Variants in RYR2 observed in about 807,000 individuals in gnomAD.
RYR2 encodes the protein ryanodine receptor 2.
In RYR2, 227 loss-of-function variants were observed where a neutral mutation model predicts 601.1. That is an observed-to-expected ratio of 0.38 (90% CI 0.34 to 0.42). The LOEUF (loss-of-function observed/expected upper bound fraction) is 0.42, where lower values mean the gene tolerates loss of function less well. Among genes scored for constraint, RYR2 ranks in the 10% least tolerant of loss-of-function variants. RYR2 has a pLI of 1.00. For synonymous variants in RYR2, 2,223 were observed against 2,175.1 expected (o/e 1.02, Z -0.61); for missense variants, 4,646 against 6,156.5 (o/e 0.75, Z 8.21).
At chr1:237,547,437 T>G (rs1669945313) in intron 25 of RYR2, among the ~76,000 whole-genome samples, 1 of 152,228 alleles carries the variant, frequency 6.6e-6, no homozygotes, top group Non-Finnish European at 1.5e-5. Context: ...TAAATGAAAT[T>G]AATTATTTCA....
intron 1 of RYR2, among the ~76,000 whole-genome samples, chr1:237,228,107 C>G (rs1262798405): frequency 6.6e-6 from 1 of 152,182 alleles, no homozygotes; most frequent in East Asian, 1.9e-4. Context: ...AATTTGTAGT[C>G]TTCTATCCCT....
chr1:237,318,213 A>G (rs1033543359), intron 2 of RYR2, among the ~76,000 whole-genome samples: 4 of 152,124 alleles, frequency 2.6e-5, no homozygotes, highest in African/African-American at 9.6e-5. Flanking sequence ...ATTTAATTCC[A>G]GTAAAAGATA....
At chr1:237,262,255 T>G (rs12042369) in intron 1 of RYR2, among the ~76,000 whole-genome samples, 2 of 135,066 alleles carry the variant, frequency 1.5e-5, no homozygotes, top group Admixed American at 7.6e-5. Flanking sequence ...GTTTTTTTTT[T>G]TTTTTTTTTT....
intron 34 of RYR2, among the ~76,000 whole-genome samples, chr1:237,599,182 A>C (rs1676219723): frequency 6.6e-6 from 1 of 152,158 alleles, no homozygotes; most frequent in Non-Finnish European, 1.5e-5. Flanking sequence ...ATGGGGGAAA[A>C]GTTGAAAGCT....
intron 96 of RYR2, among the ~76,000 whole-genome samples, chr1:237,795,922 GTA>G (rs1491345078): frequency 0.2 from 7,771 of 39,060 alleles, 266 homozygotes; most frequent in East Asian, 0.51. Flanking sequence ...ATATGCACGC[GTA>G]TGTGTGTACA....
At chr1:237,598,540 A>G (rs2148491378) in intron 34 of RYR2, among the ~76,000 whole-genome samples, 1 of 152,336 alleles carries the variant, frequency 6.6e-6, no homozygotes, top group South Asian at 2.1e-4. Flanking sequence ...ATAGACATTA[A>G]ACAACATACC....
At chr1:237,265,947 G>A (rs1011093038) in intron 1 of RYR2, among the ~76,000 whole-genome samples, 2 of 152,170 alleles carry the variant, frequency 1.3e-5, no homozygotes, top group Non-Finnish European at 2.9e-5. Context: ...TTTCTTTTAA[G>A]TGGTTGATTA....
chr1:237,739,331 G>T (rs1691413480), intron 79 of RYR2, among the ~76,000 whole-genome samples: 1 of 152,044 alleles, frequency 6.6e-6, no homozygotes, highest in Non-Finnish European at 1.5e-5. Context: ...CATCCCATCG[G>T]TTTGCTGTTG....
chr1:237,332,893 G>C (rs904406844), intron 3 of RYR2, among the ~76,000 whole-genome samples: 1 of 128,454 alleles, frequency 7.8e-6, no homozygotes, highest in East Asian at 2.5e-4. Context: ...TATGGCCCAG[G>C]CTGGTCTTGA....
chr1:237,222,395 A>T (rs1683912410), intron 1 of RYR2, among the ~76,000 whole-genome samples: 1 of 147,016 alleles, frequency 6.8e-6, no homozygotes, highest in Non-Finnish European at 1.5e-5. Context: ...CCTGGGCCAC[A>T]GATTGAGACT....
intron 37 of RYR2, among the ~76,000 whole-genome samples, chr1:237,616,425 G>A (rs1190240312): frequency 6.6e-6 from 1 of 152,144 alleles, no homozygotes; most frequent in African/African-American, 2.4e-5. Flanking sequence ...ATTGTCTTAA[G>A]TTTAGATTTC....
intron 43 of RYR2, among the ~76,000 whole-genome samples, chr1:237,634,027 C>G (rs946870497): frequency 6.6e-6 from 1 of 151,954 alleles, no homozygotes; most frequent in Admixed American, 6.6e-5. Flanking sequence ...GTAAACACAG[C>G]CATTTTAGAA....
intron 10 of RYR2, among the ~76,000 whole-genome samples, chr1:237,389,780 C>T (rs755659185): frequency 3.9e-5 from 6 of 152,086 alleles, no homozygotes; most frequent in Non-Finnish European, 7.4e-5. Flanking sequence ...GTCTATGAGA[C>T]GTCCAGTAGG....
intron 1 of RYR2, among the ~76,000 whole-genome samples, chr1:237,163,751 A>G (rs1264556889): frequency 1.3e-5 from 2 of 152,232 alleles, no homozygotes; most frequent in African/African-American, 4.8e-5. Flanking sequence ...TAGTTTTACC[A>G]GAAAGATTTG....
At chr1:237,410,941 T>G (rs1192754168) in intron 10 of RYR2, among the ~76,000 whole-genome samples, 2 of 152,182 alleles carry the variant, frequency 1.3e-5, no homozygotes, top group African/African-American at 2.4e-5. Context: ...ACAAATGTAT[T>G]GCGATGCATA....
chr1:237,200,203 A>G (rs1681026127), intron 1 of RYR2, among the ~76,000 whole-genome samples: 1 of 152,144 alleles, frequency 6.6e-6, no homozygotes, highest in Non-Finnish European at 1.5e-5. Flanking sequence ...TTTATTTTTA[A>G]TAGCCTCAGT....
intron 1 of RYR2, among the ~76,000 whole-genome samples, chr1:237,227,100 T>C (rs963617323): frequency 2.0e-5 from 3 of 152,134 alleles, no homozygotes; most frequent in Non-Finnish European, 2.9e-5. Context: ...ATGACAGTTA[T>C]GCATAGAGAT....
At chr1:237,406,816 A>G (rs1439513131) in intron 10 of RYR2, among the ~76,000 whole-genome samples, 1 of 152,196 alleles carries the variant, frequency 6.6e-6, no homozygotes. Flanking sequence ...ATCTTGTATT[A>G]GTATGGTACT....
chr1:237,810,887 TTATA>T (rs891010446), intron 100 of RYR2, among the ~76,000 whole-genome samples: 1 of 152,156 alleles, frequency 6.6e-6, no homozygotes, highest in Non-Finnish European at 1.5e-5. Flanking sequence ...TTGTGTGAAA[TTATA>T]TATACACAAT....
Sources: allele counts gnomAD v4.1 joint callset (sites outside exome capture counted in the v4.1 genomes callset), GRCh38; gene constraint gnomAD v4.1.1; transcripts MANE v1.5; gene names NCBI Gene and HGNC (gene_info 2026-07-23, HGNC 2026-07-21).